The following POTEJ variants were observed in gnomAD, a reference collection of about 807,000 sequenced individuals.
POTEJ encodes POTE ankyrin domain family, member J.
In POTEJ, 11 loss-of-function variants were observed where a neutral mutation model predicts 69.0. The observed-to-expected ratio is 0.16, with a 90% CI of 0.10 to 0.26. The LOEUF (loss-of-function observed/expected upper bound fraction) is 0.26, where lower values mean the gene tolerates loss of function less well. Among genes scored for constraint, POTEJ ranks in the 10% least tolerant of loss-of-function variants. The probability of loss-of-function intolerance (pLI) is 1.00; values close to 1 mark genes in which losing one functional copy is unlikely to be tolerated. For synonymous variants in POTEJ, 117 were observed against 381.1 expected, an observed-to-expected ratio of 0.31 and a Z score of 8.07; for missense variants, 327 against 1,045.5, an observed-to-expected ratio of 0.31 and a Z score of 9.48.
chr2:130,624,701 T>A (rs1685640580), intron 6 of POTEJ, among the ~76,000 whole-genome samples: 1 of 151,756 alleles, frequency 6.6e-6, no homozygotes, highest in Non-Finnish European at 1.5e-5. Context: ...CTCTGCGTGG[T>A]CCTACCATAG....
At chr2:130,649,555 A>C (rs1686725969) in intron 13 of POTEJ, among the ~76,000 whole-genome samples, 1 of 152,098 alleles carries the variant, frequency 6.6e-6, no homozygotes, top group Admixed American at 6.5e-5. Flanking sequence ...TTCTTATCTC[A>C]GTGGATGTAT....
chr2:130,639,120 T>A (rs1230497178), intron 10 of POTEJ, among the ~76,000 whole-genome samples: 1 of 152,310 alleles, frequency 6.6e-6, no homozygotes, highest in East Asian at 1.9e-4. Flanking sequence ...ATATGAGCCA[T>A]AAGGAGTGGC....
At chr2:130,636,297 C>A (rs1243883684) in intron 9 of POTEJ, among the ~76,000 whole-genome samples, 1 of 152,164 alleles carries the variant, frequency 6.6e-6, no homozygotes, top group Non-Finnish European at 1.5e-5. Context: ...ACACATCATG[C>A]TTAAGATGCA....
intron 6 of POTEJ, among the ~76,000 whole-genome samples, chr2:130,628,467 A>G (rs1685786686): frequency 1.2e-5 from 1 of 81,148 alleles, no homozygotes; most frequent in Non-Finnish European, 2.3e-5. Context: ...TTGTTTTTAA[A>G]CCCTAATGCC....
At chr2:130,654,737 A>C (rs1686922346) in intron 13 of POTEJ, among the ~76,000 whole-genome samples, 184 bp from the exon 14 acceptor site, 1 of 144,514 alleles carries the variant, frequency 6.9e-6, no homozygotes, top group Non-Finnish European at 1.5e-5. Context: ...TATCTTCCAC[A>C]AAACCAGTCC....
intron 1 of POTEJ, among the ~76,000 whole-genome samples, chr2:130,614,500 C>T (rs1258011599): frequency 0.03 from 4,386 of 148,404 alleles, 193 homozygotes; most frequent in African/African-American, 0.11. Context: ...TCAGTAGATA[C>T]AGAGATATGT....
chr2:130,641,672 A>C (rs868030499), intron 10 of POTEJ, among the ~76,000 whole-genome samples: 340 of 151,634 alleles, frequency 2.2e-3, no homozygotes, highest in African/African-American at 7.3e-3. Flanking sequence ...TGGTGAATAC[A>C]GGAGAGCAAA....
At chr2:130,612,688 G>A (rs1381352167) in intron 1 of POTEJ, among the ~76,000 whole-genome samples, 34 of 137,772 alleles carry the variant, frequency 2.5e-4, no homozygotes, top group African/African-American at 6.8e-4. Context: ...GCGTGAACTC[G>A]GGAGGCGGAG....
At chr2:130,638,983 A>C (rs1686218844) in intron 10 of POTEJ, among the ~76,000 whole-genome samples, 1 of 152,262 alleles carries the variant, frequency 6.6e-6, no homozygotes, top group East Asian at 1.9e-4. Context: ...ACAGATCATC[A>C]GGCATTAGAT....
At chr2:130,655,309 C>T (rs1686945423) in intron 14 of POTEJ, among the ~76,000 whole-genome samples, 1 of 152,180 alleles carries the variant, frequency 6.6e-6, no homozygotes. Flanking sequence ...GACGATCTTT[C>T]CACATCAGAA....
rs532642732 is a variant in POTEJ, at chr2:130,636,808, G to A, written c.1299-1811G>A. ...GATTCTCACTTTAAAAATGTTTGAC[G>A]TAGGTCGGGCATGGTGGCTCACACC... On this transcript the variant is annotated intron_variant, in intron 9 of 14. Coordinates refer to ENST00000409602, the MANE Select transcript of POTEJ (RefSeq NM_001277083.2). Among the ~76,000 whole-genome samples, 35 of 147,900 alleles carry A rather than the reference G, an allele frequency of 2.4e-4. 2 individuals carry two copies. The highest frequency in any genetic ancestry group is 6.4e-4 in the African/African-American group (26 of 40,546).
chr2:130,648,788 T>G (rs1250639884), intron 13 of POTEJ, among the ~76,000 whole-genome samples: 34 of 104,574 alleles, frequency 3.3e-4, no homozygotes, highest in Middle Eastern at 8.7e-3. Flanking sequence ...ATAGTTTTTT[T>G]TTTTTTTTTT....
At chr2:130,627,273 C>G (rs1385383377) in intron 6 of POTEJ, among the ~76,000 whole-genome samples, 1 of 151,272 alleles carries the variant, frequency 6.6e-6, no homozygotes, top group Non-Finnish European at 1.5e-5. Context: ...TTGACTCTCA[C>G]TAATAAGACT....
At chr2:130,650,473 C>T (rs1416605222) in intron 13 of POTEJ, among the ~76,000 whole-genome samples, 1 of 151,958 alleles carries the variant, frequency 6.6e-6, no homozygotes, top group Non-Finnish European at 1.5e-5. Flanking sequence ...TAGAAAAAGG[C>T]CTAGCCTATC....
At chr2:130,620,340 CATT>C (rs1294657545) in intron 4 of POTEJ, among the ~76,000 whole-genome samples, 189 bp downstream of exon 4, 1 of 143,452 alleles carries the variant, frequency 7.0e-6, no homozygotes, top group African/African-American at 2.7e-5. Flanking sequence ...TTCGTCTTCT[CATT>C]ATATTGACTG....
intron 1 of POTEJ, among the ~76,000 whole-genome samples, chr2:130,614,384 T>TA (rs1396525531): frequency 2.1e-5 from 3 of 144,982 alleles, no homozygotes; most frequent in African/African-American, 8.0e-5. Context: ...GTGTTTTTCT[T>TA]AGTATTGCTT....
At chr2:130,640,504 A>G (rs1686309262) in intron 10 of POTEJ, among the ~76,000 whole-genome samples, 1 of 151,684 alleles carries the variant, frequency 6.6e-6, no homozygotes. Context: ...ATTCATTGAT[A>G]TCCTAGGATC....
At chr2:130,614,156 C>T (rs1264530902) in intron 1 of POTEJ, among the ~76,000 whole-genome samples, 1 of 75,656 alleles carries the variant, frequency 1.3e-5, no homozygotes. Flanking sequence ...GACTCCATCT[C>T]AAAAAAAAAA....
intron 13 of POTEJ, among the ~76,000 whole-genome samples, chr2:130,647,060 A>T (rs1202550829): frequency 1.5e-4 from 23 of 150,574 alleles, no homozygotes; most frequent in Middle Eastern, 3.4e-3. Context: ...TATGTAAAAA[A>T]TTTGGAGCTA....
Sources: allele counts gnomAD v4.1 joint callset (sites outside exome capture counted in the v4.1 genomes callset), GRCh38; gene constraint gnomAD v4.1.1; transcripts MANE v1.5; gene names NCBI Gene and HGNC (gene_info 2026-07-23, HGNC 2026-07-21).